Variants in ABTB3 observed in about 807,000 individuals in gnomAD.
The protein encoded by ABTB3 is ankyrin repeat and BTB domain containing 3, also known as ankyrin repeat- and BTB/POZ domain-containing protein 3.
At chr12:107,613,325 C>T in the ABTB3 span, among the ~76,000 whole-genome samples, 1 of 152,168 alleles carries the variant, frequency 6.6e-6, no homozygotes, top group African/African-American at 2.4e-5. Flanking sequence ...ATCCTCCACG[C>T]TCCCCCTCCA....
chr12:107,532,301 C>T, the ABTB3 span, among the ~76,000 whole-genome samples: 1 of 152,344 alleles, frequency 6.6e-6, no homozygotes, highest in Non-Finnish European at 1.5e-5. Context: ...GACCACCATG[C>T]ACCATTTTGC....
At chr12:107,500,740 C>T in the ABTB3 span, among the ~76,000 whole-genome samples, 1 of 152,152 alleles carries the variant, frequency 6.6e-6, no homozygotes, top group Non-Finnish European at 1.5e-5. Context: ...AGGCAACAAG[C>T]AGACCCCACT....
the ABTB3 span, among the ~76,000 whole-genome samples, chr12:107,434,105 G>T: frequency 6.6e-6 from 1 of 152,198 alleles, no homozygotes; most frequent in Non-Finnish European, 1.5e-5. Context: ...CAGGACACAG[G>T]CATATTTGAA....
At chr12:107,389,021 A>G in the ABTB3 span, among the ~76,000 whole-genome samples, 16 of 99,548 alleles carry the variant, frequency 1.6e-4, no homozygotes, top group Admixed American at 1.8e-3. Flanking sequence ...TAAAACTCAG[A>G]GTTCAACTTT....
the ABTB3 span, among the ~76,000 whole-genome samples, chr12:107,392,412 C>T: frequency 3.3e-5 from 5 of 152,170 alleles, no homozygotes; most frequent in African/African-American, 1.2e-4. Flanking sequence ...CCATGGCCCA[C>T]TAGACACTAT....
At chr12:107,553,377 G>A in the ABTB3 span, among the ~76,000 whole-genome samples, 1 of 152,196 alleles carries the variant, frequency 6.6e-6, no homozygotes, top group African/African-American at 2.4e-5. Flanking sequence ...TGAGGAAACT[G>A]AGATGCAACA....
chr12:107,567,187 A>G, the ABTB3 span, among the ~76,000 whole-genome samples: 1 of 152,260 alleles, frequency 6.6e-6, no homozygotes, highest in African/African-American at 2.4e-5. Context: ...CAGAGTAGTC[A>G]GGGTCCTTCT....
chr12:107,337,531 T>C, the ABTB3 span, among the ~76,000 whole-genome samples: 1 of 152,202 alleles, frequency 6.6e-6, no homozygotes, highest in African/African-American at 2.4e-5. Flanking sequence ...ATTCAGTTGC[T>C]CCATCACCAC....
At chr12:107,491,998 T>TC in the ABTB3 span, among the ~76,000 whole-genome samples, 107,769 of 151,746 alleles carry the variant, frequency 0.71, 39,539 homozygotes, top group African/African-American at 0.89. Context: ...CTAGTCCATC[T>TC]CCCCAGGAGA....
the ABTB3 span, among the ~76,000 whole-genome samples, chr12:107,385,746 C>G: frequency 6.6e-6 from 1 of 152,032 alleles, no homozygotes; most frequent in Non-Finnish European, 1.5e-5. Context: ...CTACGTGCAC[C>G]CCCCCAAGCC....
At chr12:107,638,718 G>A in the ABTB3 span, among the ~76,000 whole-genome samples, 1 of 152,308 alleles carries the variant, frequency 6.6e-6, no homozygotes, top group East Asian at 1.9e-4. Flanking sequence ...TTTGCTAAGT[G>A]CTCTCCATAA....
the ABTB3 span, among the ~76,000 whole-genome samples, chr12:107,541,440 T>G: frequency 6.6e-6 from 1 of 152,248 alleles, no homozygotes; most frequent in African/African-American, 2.4e-5. Flanking sequence ...TCTCTCTCTC[T>G]CTCTTTCTCT....
At chr12:107,408,678 C>T in the ABTB3 span, among the ~76,000 whole-genome samples, 2 of 152,196 alleles carry the variant, frequency 1.3e-5, no homozygotes, top group African/African-American at 2.4e-5. Flanking sequence ...CCTTGGAACC[C>T]GGCACTGGAC....
At chr12:107,414,032 G>T in the ABTB3 span, among the ~76,000 whole-genome samples, 1 of 152,200 alleles carries the variant, frequency 6.6e-6, no homozygotes, top group Admixed American at 6.5e-5. Flanking sequence ...AGGAAAGGAA[G>T]GTCATACGAA....
At chr12:107,372,447 C>T in the ABTB3 span, among the ~76,000 whole-genome samples, 6 of 152,154 alleles carry the variant, frequency 3.9e-5, no homozygotes, top group South Asian at 2.1e-4. Context: ...TTCAACTTGG[C>T]GTCTTTCTCA....
the ABTB3 span, among the ~76,000 whole-genome samples, chr12:107,394,316 T>C: frequency 6.6e-6 from 1 of 152,218 alleles, no homozygotes; most frequent in Non-Finnish European, 1.5e-5. Context: ...AACTAAGAAC[T>C]ATAGAGACAT....
At chr12:107,567,541 G>C in the ABTB3 span, among the ~76,000 whole-genome samples, 1 of 152,176 alleles carries the variant, frequency 6.6e-6, no homozygotes, top group Non-Finnish European at 1.5e-5. Flanking sequence ...TGTAGCCTAG[G>C]AGCAATAGCC....
chr12:107,320,178 C>T, the ABTB3 span: 1 of 1,330,712 alleles, frequency 7.5e-7, no homozygotes, highest in Non-Finnish European at 9.7e-7. Flanking sequence ...CCACGCGCTG[C>T]TGTCCCAAGC....
the ABTB3 span, among the ~76,000 whole-genome samples, chr12:107,351,660 C>T: frequency 5.3e-5 from 8 of 152,326 alleles, no homozygotes; most frequent in Admixed American, 4.6e-4. Flanking sequence ...TGCACTGTCT[C>T]TCCTGATGTT....
Sources: gnomAD v4.1 joint callset for allele counts (sites outside exome capture counted in the v4.1 genomes callset) on GRCh38, gnomAD v4.1.1 for gene constraint, MANE v1.5 for transcripts, NCBI Gene and HGNC (gene_info 2026-07-23, HGNC 2026-07-21) for gene names.